The following DLG2 variants were observed in gnomAD, a reference collection of about 807,000 sequenced individuals.
DLG2 encodes discs large MAGUK scaffold protein 2.
Under a neutral mutation model 132.5 loss-of-function variants are expected in DLG2, and 45 were observed. The ratio of observed to expected loss-of-function variants is 0.34; its 90% confidence interval spans 0.27 to 0.44. The LOEUF (loss-of-function observed/expected upper bound fraction) is 0.44, where lower values mean the gene tolerates loss of function less well. Among genes scored for constraint, DLG2 ranks in the 20% least tolerant of loss-of-function variants. The probability of loss-of-function intolerance (pLI) is 1.00; values close to 1 mark genes in which losing one functional copy is unlikely to be tolerated. For missense variants in DLG2, 1,045 were observed against 1,196.9 expected, an observed-to-expected ratio of 0.87 and a Z score of 1.87; for synonymous variants, 424 against 419.6, an observed-to-expected ratio of 1.01 and a Z score of -0.13.
intron 6 of DLG2, among the ~76,000 whole-genome samples, chr11:84,578,492 T>C (rs2099508689): frequency 6.6e-6 from 1 of 152,122 alleles, no homozygotes; most frequent in East Asian, 1.9e-4. Context: ...TCAAAGGAGA[T>C]CATTTTGGAG....
chr11:84,317,029 C>T, intron 7 of DLG2: 1 of 1,612,820 alleles, frequency 6.2e-7, no homozygotes, highest in South Asian at 1.1e-5. Context: ...CCTGACAGTT[C>T]CTCTGCCAGC....
intron 6 of DLG2, among the ~76,000 whole-genome samples, chr11:84,659,359 C>T (rs577064707): frequency 9.9e-5 from 15 of 152,090 alleles, no homozygotes. Flanking sequence ...AATGCCTTTT[C>T]AAGACTCCTT....
chr11:83,696,350 C>T (rs763673004), intron 18 of DLG2, among the ~76,000 whole-genome samples: 2 of 152,106 alleles, frequency 1.3e-5, no homozygotes, highest in Non-Finnish European at 2.9e-5. Flanking sequence ...CTTTTCTGGA[C>T]CCTGTTTCCC....
At chr11:85,401,704 C>A (rs2088131856) in intron 3 of DLG2, among the ~76,000 whole-genome samples, 1 of 152,082 alleles carries the variant, frequency 6.6e-6, no homozygotes, top group Non-Finnish European at 1.5e-5. Flanking sequence ...AATAGACAAA[C>A]AGAGAGCCAA....
In DLG2 at chr11:84,940,107, T is replaced by A. The variant is rs763483675; in HGVS notation, c.357+171554A>T. Among the ~76,000 whole-genome samples the A allele has an allele frequency of 4.1e-4, 63 of 152,210 alleles. 1 individual carries two copies. Among genetic ancestry groups the A allele is most frequent in the Admixed American group, 2.6e-4 (4 of 15,272 alleles). ...CATTCATTATTGCCTAGTTTTTGGA[T>A]AAAAGCCATTTTTACTGGAGTGAGA... On this transcript the variant is annotated intron_variant, in intron 6 of 27. Transcript: ENST00000376104.
intron 2 of DLG2, among the ~76,000 whole-genome samples, chr11:85,621,148 G>C (rs1292649633): frequency 6.6e-6 from 1 of 151,898 alleles, no homozygotes; most frequent in South Asian, 2.1e-4. Flanking sequence ...AAAAGCCTGG[G>C]TGACAGCACA....
intron 3 of DLG2, among the ~76,000 whole-genome samples, chr11:85,592,947 GA>G (rs149888437): frequency 5.1e-4 from 59 of 114,868 alleles, no homozygotes; most frequent in African/African-American, 1.8e-3. Flanking sequence ...ACAAGACTGA[GA>G]AAAAAGAAAG....
intron 6 of DLG2, among the ~76,000 whole-genome samples, chr11:84,948,656 G>A (rs745712993): frequency 2.0e-5 from 3 of 152,144 alleles, no homozygotes; most frequent in Admixed American, 6.5e-5. Flanking sequence ...TTTTAAATCC[G>A]TAAGGTTCAA....
At chr11:85,616,432 T>C (rs1449660486) in intron 2 of DLG2, among the ~76,000 whole-genome samples, 2 of 152,200 alleles carry the variant, frequency 1.3e-5, no homozygotes, top group South Asian at 2.1e-4. Context: ...ACATGGGAGA[T>C]TGGTACTTTG....
intron 6 of DLG2, among the ~76,000 whole-genome samples, chr11:84,832,829 T>G (rs1035531754): frequency 1.3e-5 from 2 of 151,512 alleles, no homozygotes; most frequent in African/African-American, 4.8e-5. Flanking sequence ...CCGCCCCCAG[T>G]TTGGATTATA....
At chr11:83,755,352 G>T (rs1369402998) in intron 18 of DLG2, among the ~76,000 whole-genome samples, 1 of 150,952 alleles carries the variant, frequency 6.6e-6, no homozygotes, top group Non-Finnish European at 1.5e-5. Context: ...AAATCTGTGG[G>T]TGATGTCCAC....
chr11:85,165,604 T>C (rs1381673133), intron 4 of DLG2, among the ~76,000 whole-genome samples: 2 of 152,186 alleles, frequency 1.3e-5, no homozygotes, highest in Non-Finnish European at 2.9e-5. Context: ...GCCTGTAAGG[T>C]CAATAGGCTC....
intron 18 of DLG2, among the ~76,000 whole-genome samples, chr11:83,674,566 T>G (rs1033800046): frequency 6.6e-5 from 10 of 152,228 alleles, no homozygotes; most frequent in Non-Finnish European, 1.2e-4. Context: ...ACATTATCTG[T>G]CACCCTTCCA....
chr11:85,122,823 T>G (rs1473296975), intron 5 of DLG2, among the ~76,000 whole-genome samples: 13 of 147,414 alleles, frequency 8.8e-5, no homozygotes, highest in African/African-American at 3.2e-4. Flanking sequence ...ACATGCAAAT[T>G]ATATATATAT....
At chr11:84,788,006 G>A (rs944971438) in intron 6 of DLG2, among the ~76,000 whole-genome samples, 1 of 142,774 alleles carries the variant, frequency 7.0e-6, no homozygotes, top group Non-Finnish European at 1.5e-5. Context: ...GGAGACTGAG[G>A]CATAAGAATC....
chr11:83,671,422 A>G (rs1321834184), intron 18 of DLG2, among the ~76,000 whole-genome samples: 3 of 152,210 alleles, frequency 2.0e-5, no homozygotes, highest in African/African-American at 7.2e-5. Context: ...ACCCAATACT[A>G]TTGAGCCCCT....
intron 7 of DLG2, among the ~76,000 whole-genome samples, chr11:84,443,868 C>A (rs556931104): frequency 6.6e-6 from 1 of 152,178 alleles, no homozygotes; most frequent in Non-Finnish European, 1.5e-5. Flanking sequence ...ACAGAGCCTT[C>A]ATAAAAATTA....
chr11:83,887,242 C>G (rs536886450), intron 15 of DLG2, among the ~76,000 whole-genome samples: 1 of 151,700 alleles, frequency 6.6e-6, no homozygotes, highest in African/African-American at 2.4e-5. Flanking sequence ...ATCAAACAGA[C>G]GCAATAAAAA....
chr11:84,895,543 T>A lies in DLG2; in HGVS notation c.357+216118A>T, dbSNP rs192751606. ...TCATAGCTTTGCTTTTCTTACCACCTACATCTATGACATCATTTCAAACTA... is the reference window on the plus strand; with the variant it reads ...TCATAGCTTTGCTTTTCTTACCACCAACATCTATGACATCATTTCAAACTA... On this transcript the variant is annotated intron_variant, in intron 6 of 27. Coordinates refer to ENST00000376104, the MANE Select transcript of DLG2 (RefSeq NM_001142699.3). Among the ~76,000 whole-genome samples the A allele has an allele frequency of 1.1e-3, 174 of 152,290 alleles. 1 individual carries two copies. Among genetic ancestry groups the A allele is most frequent in the Admixed American group, 3.2e-3 (49 of 15,288 alleles).
Sources: gnomAD v4.1 joint callset for allele counts (sites outside exome capture counted in the v4.1 genomes callset) on GRCh38, gnomAD v4.1.1 for gene constraint, MANE v1.5 for transcripts, NCBI Gene and HGNC (gene_info 2026-07-23, HGNC 2026-07-21) for gene names.